VLDLR: variants seen among roughly 807,000 people sequenced by gnomAD.
The protein encoded by VLDLR is very low density lipoprotein receptor, also known as very low-density lipoprotein receptor.
A neutral mutation model predicts 112.7 loss-of-function variants in VLDLR; 81 were observed. The observed-to-expected ratio is 0.72, with a 90% CI of 0.60 to 0.86. VLDLR has a LOEUF of 0.86. Ranked by LOEUF, VLDLR falls within the 40% of genes least tolerant of loss-of-function variation. VLDLR has a pLI of 0.00. For synonymous variants in VLDLR, 436 were observed against 384.8 expected (o/e 1.13, Z -1.56); for missense variants, 1,237 against 1,099.4 (o/e 1.13, Z -1.77).
At position 2,659,662 on chromosome 9, in the gene VLDLR, T is replaced by A. The variant is rs114235648; in HGVS notation, c.*5794T>A. Reference sequence around the variant, plus strand: ...CAAGGCTCTCCTATAGGGAGAAACATGGCCAAAAAGACAGGAAGAACTGTG... The same window carrying A: ...CAAGGCTCTCCTATAGGGAGAAACAAGGCCAAAAAGACAGGAAGAACTGTG... On this transcript the variant is annotated 3_prime_UTR_variant, in exon 19 of 19. Transcript: ENST00000382100. 47 of 152,282 alleles carry A rather than the reference T, an allele frequency of 3.1e-4. No homozygotes were observed. Among genetic ancestry groups the A allele is most frequent in the African/African-American group, 1.1e-3 (45 of 41,552 alleles). The allele number at this position is 152,282 out of a possible 1,614,324, so 9.4% of individuals were successfully genotyped here.
intron 1 of VLDLR, 174 bp downstream of exon 1, chr9:2,622,445 A>C: frequency 1.8e-6 from 1 of 551,136 alleles, no homozygotes; most frequent in Non-Finnish European, 2.9e-6. Context: ...CGCCGAGGCT[A>C]AAGGGAGCCG....
rs1818005269 is a variant in VLDLR, at chr9:2,644,984, T to C, written c.1214T>C (p.Ile405Thr). Reference protein sequence around the residue: ...GDIDECQNPGICSQICINLKG... With the variant: ...GDIDECQNPGTCSQICINLKG... Reference sequence around the variant, plus strand: ...ATTGATGAATGCCAAAATCCAGGAATCTGCAGTCAAATTTGTATCAACTTA... The same window carrying C: ...ATTGATGAATGCCAAAATCCAGGAACCTGCAGTCAAATTTGTATCAACTTA... Residue 405 changes from isoleucine to threonine, a missense_variant, in exon 9 of 19, where the codon ATC (isoleucine) becomes ACC (threonine). Coordinates refer to ENST00000382100, the MANE Select transcript of VLDLR (RefSeq NM_003383.5). 1.9e-6 allele frequency: 3 copies of C among 1,614,194 alleles called. No individual in the cohort carries two copies. Among genetic ancestry groups the C allele is most frequent in the Non-Finnish European group, 1.7e-6 (2 of 1,180,030 alleles).
intron 2 of VLDLR, 76 bp downstream of exon 2, chr9:2,635,648 C>A (rs1316370888): frequency 6.2e-7 from 1 of 1,602,168 alleles, no homozygotes; most frequent in African/African-American, 1.3e-5. Flanking sequence ...TATTGAGATT[C>A]TGAAAATAAA....
intron 18 of VLDLR, among the ~76,000 whole-genome samples, chr9:2,653,529 A>T (rs1474101410): frequency 6.6e-6 from 1 of 152,218 alleles, no homozygotes; most frequent in African/African-American, 2.4e-5. Context: ...CCGGTGAAAC[A>T]TGGAACAGTG....
In VLDLR at chr9:2,650,434, A is replaced by G. The variant is rs1204322301; in HGVS notation, c.2169A>G (p.Pro723=). 1.2e-6 allele frequency: 2 copies of G among 1,614,152 alleles called. No individual in the cohort carries two copies. Among genetic ancestry groups the G allele is most frequent in the South Asian group, 1.1e-5 (1 of 91,080 alleles). ...GTGAATACCTATGCCTGCCAGCACC[A>G]CAGATTAATGATCACTCTCCAAAAT... is the stretch of plus-strand genomic sequence containing the variant. The part of the protein sequence containing the change: ...GGCEYLCLPA[P]QINDHSPKYT... Residue 723 remains proline (P), a synonymous_variant, in exon 15 of 19, where the codon CCA becomes CCG. Coordinates refer to ENST00000382100, the MANE Select transcript of VLDLR (RefSeq NM_003383.5).
In VLDLR at chr9:2,644,833, T is replaced by C. The variant is rs1346144497; in HGVS notation, c.1166T>C (p.Ile389Thr). ...ECDCAAGFEL[I>T]DRKTCGDIDE... ...GACTGTGCAGCTGGGTTTGAACTGATAGATAGGAAAACCTGTGGAGGTGAG... is the reference window on the plus strand; with the variant it reads ...GACTGTGCAGCTGGGTTTGAACTGACAGATAGGAAAACCTGTGGAGGTGAG... Residue 389 changes from isoleucine (I) to threonine (T), a missense_variant, in exon 8 of 19, where the codon ATA (isoleucine) becomes ACA (threonine). Transcript: ENST00000382100. 3 of 1,614,128 alleles carry C rather than the reference T, an allele frequency of 1.9e-6. No homozygotes were observed. Among genetic ancestry groups the C allele is most frequent in the Admixed American group, 1.7e-5 (1 of 60,018 alleles).
intron 1 of VLDLR, among the ~76,000 whole-genome samples, chr9:2,633,047 AGAGAGTGTGTGTGTGTGTGTGTGTGT>A (rs1185508670): frequency 2.1e-5 from 2 of 95,414 alleles, no homozygotes; most frequent in Admixed American, 1.0e-4. Context: ...AGAGAGAGAG[AGAGAGTGTGTGTGTGTGTGTGTGTGT>A]GTGTGTGTGT....
chr9:2,627,624 G>C (rs762114556), intron 1 of VLDLR, among the ~76,000 whole-genome samples: 3 of 152,094 alleles, frequency 2.0e-5, no homozygotes, highest in Non-Finnish European at 4.4e-5. Context: ...CAGTGCTTTT[G>C]GAGGCCGAGG....
In VLDLR at chr9:2,654,060, C is replaced by G; in HGVS notation, c.*192C>G. On this transcript the variant is annotated 3_prime_UTR_variant, in exon 19 of 19. Coordinates refer to ENST00000382100, the MANE Select transcript of VLDLR (RefSeq NM_003383.5). ...TGTAAATATTCTTGTCCACATTCTA[C>G]TTCAGCTTTGGATGTGGTTACCGAG... The G allele has an allele frequency of 1.7e-6, 1 of 601,348 alleles. No homozygotes were observed. The highest frequency in any genetic ancestry group is 1.9e-5 in the South Asian group (1 of 51,476). The allele number at this position is 601,348 out of a possible 1,614,324, so 37.3% of individuals were successfully genotyped here.
rs1563756461 is a variant in VLDLR at position 2,641,483 on chromosome 9, A to C, written c.432A>C (p.Glu144Asp). 4 of 1,614,226 alleles carry C rather than the reference A, an allele frequency of 2.5e-6. No homozygotes were observed. The highest frequency in any genetic ancestry group is 3.4e-6 in the Non-Finnish European group (4 of 1,180,026). Residue 144 changes from glutamate to aspartate, a missense_variant, in exon 4 of 19, where the codon GAA (glutamate) becomes GAC (aspartate). Glu to Asp is a conservative substitution (Grantham distance 45). Transcript: ENST00000382100. The part of the protein sequence containing the change: ...CDGENDCDSG[E>D]DEENCGNITC... ...GTGAAAATGATTGTGACAGTGGAGAAGATGAAGAAAACTGTGGTAAGAAGA... is the reference window on the plus strand; with the variant it reads ...GTGAAAATGATTGTGACAGTGGAGACGATGAAGAAAACTGTGGTAAGAAGA...
chr9:2,644,565 A>G (rs189160856), intron 7 of VLDLR, among the ~76,000 whole-genome samples, 169 bp from the exon 8 acceptor site: 142 of 152,230 alleles, frequency 9.3e-4, no homozygotes, highest in Non-Finnish European at 1.4e-3. Flanking sequence ...CCGAGGAGTT[A>G]GATAATCCAC....
Position 2,653,872 on chromosome 9 carries a change from C to T in VLDLR, c.*4C>T, listed in dbSNP as rs755204149. On this transcript the variant is annotated 3_prime_UTR_variant, in exon 19 of 19. Coordinates refer to ENST00000382100, the MANE Select transcript of VLDLR (RefSeq NM_003383.5). Reference sequence around the variant, plus strand: ...CACAGATGATGATCTAGCTTGACTTCTGTGACAAATGTTGACCTTTGAGGT... The same window carrying T: ...CACAGATGATGATCTAGCTTGACTTTTGTGACAAATGTTGACCTTTGAGGT... The T allele has an allele frequency of 5.0e-6, 8 of 1,613,768 alleles. No individual in the cohort carries two copies. Among genetic ancestry groups the T allele is most frequent in the African/African-American group, 1.3e-5 (1 of 74,916 alleles).
chr9:2,651,628 A>G (rs1586660247), intron 16 of VLDLR, 130 bp downstream of exon 16: 2 of 948,188 alleles, frequency 2.1e-6, no homozygotes, highest in Non-Finnish European at 3.2e-6. Flanking sequence ...TTTAAACACC[A>G]AAGACTTAAA....
chr9:2,622,079 CT>C lies in VLDLR; in HGVS notation c.-108del. 1 of 1,116,726 alleles carries C rather than the reference CT, an allele frequency of 9.0e-7. No individual in the cohort carries two copies. The highest frequency in any genetic ancestry group is 1.6e-5 in the African/African-American group (1 of 61,318). The allele number at this position is 1,116,726 out of a possible 1,614,324, so 69.2% of individuals were successfully genotyped here. On this transcript the variant is annotated 5_prime_UTR_variant, in exon 1 of 19. Coordinates refer to ENST00000382100, the MANE Select transcript of VLDLR (RefSeq NM_003383.5). The stretch of plus-strand genomic sequence containing the variant: ...CCAACTCCTTCCCCTCCTTCTCCCC[CT>C]TTCCCCTCCCCGCCCCCACCTTCTT...
chr9:2,622,513 G>C, intron 1 of VLDLR: 1 of 435,544 alleles, frequency 2.3e-6, no homozygotes, highest in Non-Finnish European at 4.0e-6. Flanking sequence ...CTAGTCTTCT[G>C]CCCCTCACTC....
Position 2,622,026 on chromosome 9 carries a change from C to T in VLDLR, c.-164C>T, listed in dbSNP as rs1816804834. 3.0e-6 allele frequency: 2 copies of T among 668,142 alleles called. No homozygotes were observed. Among genetic ancestry groups the T allele is most frequent in the African/African-American group, 1.9e-5 (1 of 52,698 alleles). 41.4% of individuals were successfully genotyped at this position (668,142 alleles called of 1,614,324 possible). ...TGTGCAAGTTGTAGGGGAGGGGGTG[C>T]CCTCTTCTTCCCCGCTCCCTTCCCC... On this transcript the variant is annotated 5_prime_UTR_variant, in exon 1 of 19. Transcript: ENST00000382100.
chr9:2,646,298 A>G, intron 10 of VLDLR, 36 bp from the exon 11 acceptor site: 1 of 1,607,950 alleles, frequency 6.2e-7, no homozygotes, highest in Non-Finnish European at 8.5e-7. Context: ...TAATTGTGTC[A>G]AACTCTTAAA....
rs185849900 is a variant in VLDLR, at chr9:2,637,768, C to T, written c.203-2091C>T. ...CACCCTGGCTAACACAGTGAAACCC[C>T]GTCTCCACTAAAAATACAAAAAAAT... On this transcript the variant is annotated intron_variant, in intron 2 of 18. Transcript: ENST00000382100. 7.2e-4 allele frequency among the ~76,000 whole-genome samples: 110 copies of T among 152,180 alleles called. 2 individuals carry two copies. Among genetic ancestry groups the T allele is most frequent in the Middle Eastern group, 3.4e-3 (1 of 294 alleles).
Position 2,656,664 on chromosome 9 carries a change from T to C in VLDLR, c.*2796T>C, listed in dbSNP as rs757406074. Reference sequence around the variant, plus strand: ...GCTTATCATACACTAAAGGAGAATATTTGGAGTTAGATGAGCCTGTCACAC... The same window carrying C: ...GCTTATCATACACTAAAGGAGAATACTTGGAGTTAGATGAGCCTGTCACAC... On this transcript the variant is annotated 3_prime_UTR_variant, in exon 19 of 19. Transcript: ENST00000382100. 2.6e-5 allele frequency: 4 copies of C among 151,938 alleles called. No homozygotes were observed. The highest frequency in any genetic ancestry group is 2.6e-4 in the Admixed American group (4 of 15,252). The allele number at this position is 151,938 out of a possible 1,614,324, so 9.4% of individuals were successfully genotyped here.
Sources: gnomAD v4.1 joint callset for allele counts (sites outside exome capture counted in the v4.1 genomes callset) on GRCh38, gnomAD v4.1.1 for gene constraint, MANE v1.5 for transcripts, NCBI Gene and HGNC (gene_info 2026-07-23, HGNC 2026-07-21) for gene names.